Variants in CCL11 observed in about 807,000 individuals in gnomAD.
CCL11 encodes C-C motif chemokine ligand 11.
In CCL11, 7 loss-of-function variants were observed where a neutral mutation model predicts 7.3. The ratio of observed to expected loss-of-function variants is 0.96; its 90% CI spans 0.55 to 1.81. CCL11 has a LOEUF of 1.81. Ranked by LOEUF, CCL11 falls within the 40% of genes most tolerant of loss-of-function variation. The probability of loss-of-function intolerance (pLI) is 0.00; values close to 1 mark genes in which losing one functional copy is unlikely to be tolerated. For missense variants in CCL11, 132 were observed against 114.2 expected, an observed-to-expected ratio of 1.16 and a Z score of -0.71; for synonymous variants, 66 against 45.2, an observed-to-expected ratio of 1.46 and a Z score of -1.84.
In CCL11 at chr17:34,287,812, A is replaced by ATT; in HGVS notation, c.*123_*124insTT. The ATT allele has an allele frequency of 3.2e-6, 1 of 312,624 alleles. No homozygotes were observed. The highest frequency in any genetic ancestry group is 5.4e-6 in the Non-Finnish European group (1 of 186,390). The allele number at this position is 312,624 out of a possible 1,614,324, so 19.4% of individuals were successfully genotyped here. ...AAAGGGCATGGGTTTTATTATATAT[A>ATT]TATATTTTTTTTTTTAAAAAAAAAA... On this transcript the variant is annotated 3_prime_UTR_variant, in exon 3 of 3. Coordinates refer to ENST00000305869, the MANE Select transcript of CCL11 (RefSeq NM_002986.3).
Position 34,287,610 on chromosome 17 carries a change from A to G in CCL11, c.214A>G (p.Ile72Val). Residue 72 changes from isoleucine (I) to valine (V), a missense_variant, in exon 3 of 3, where the codon ATC becomes GTC. Coordinates refer to ENST00000305869, the MANE Select transcript of CCL11 (RefSeq NM_002986.3). ...VIFKTKLAKD[I>V]CADPKKKWVQ... ...CTTCAAGACCAAACTGGCCAAGGAT[A>G]TCTGTGCCGACCCCAAGAAGAAGTG... 6.2e-7 allele frequency: 1 copy of G among 1,613,956 alleles called. No homozygotes were observed. Among genetic ancestry groups the G allele is most frequent in the South Asian group, 1.1e-5 (1 of 91,062 alleles).
chr17:34,287,524 G>A, intron 2 of CCL11, 61 bp from the exon 3 acceptor site: 1 of 1,180,910 alleles, frequency 8.5e-7, no homozygotes, highest in South Asian at 1.2e-5. Flanking sequence ...TAAATATTTA[G>A]GGTCAAATGG....
chr17:34,287,365 C>T (rs1007817347), intron 2 of CCL11, among the ~76,000 whole-genome samples, 158 bp downstream of exon 2: 9 of 152,154 alleles, frequency 5.9e-5, no homozygotes, highest in African/African-American at 1.4e-4. Flanking sequence ...ACTCCCAGCT[C>T]CCTGCCTGGG....
Position 34,285,821 on chromosome 17 carries a change from G to A in CCL11, c.13G>A (p.Ala5Thr), listed in dbSNP as rs56120942. MKVS[A>T]ALLWLLLIAA... ...TTCAGCCTCCAACATGAAGGTCTCC[G>A]CAGCACTTCTGTGGCTGCTGCTCAT... The change falls in exon 1 of 3, where the codon GCA becomes ACA. Residue 5 changes from alanine to threonine, a missense_variant. Coordinates refer to ENST00000305869, the MANE Select transcript of CCL11 (RefSeq NM_002986.3). 8.1e-5 allele frequency: 131 copies of A among 1,612,520 alleles called. 1 individual carries two copies. Among genetic ancestry groups the A allele is most frequent in the South Asian group, 3.5e-4 (32 of 90,894 alleles).
intron 1 of CCL11, 121 bp from the exon 2 acceptor site, chr17:34,286,975 T>C (rs1027520925): frequency 3.0e-6 from 2 of 668,220 alleles, no homozygotes; most frequent in Non-Finnish European, 5.4e-6. Context: ...GGATTCTCCC[T>C]CCACCTCTCG....
intron 2 of CCL11, 68 bp from the exon 3 acceptor site, chr17:34,287,513 TTAAA>T: frequency 9.1e-7 from 1 of 1,100,604 alleles, no homozygotes; most frequent in Non-Finnish European, 1.4e-6. Context: ...CAGATGGTCC[TTAAA>T]TATTTAGGGT....
chr17:34,287,461 T>C lies in CCL11; in HGVS notation c.189-124T>C, dbSNP rs762040254. On this transcript the variant is annotated intron_variant, in intron 2 of 2. Transcript: ENST00000305869. Reference sequence around the variant, plus strand: ...TTAAGAGCAGCAACTAACCCAAGAGTCTCATCCTTCCTCCTCTCCGTAGCA... The same window carrying C: ...TTAAGAGCAGCAACTAACCCAAGAGCCTCATCCTTCCTCCTCTCCGTAGCA... 8.6e-4 allele frequency: 609 copies of C among 706,166 alleles called. 1 individual carries two copies. Among genetic ancestry groups the C allele is most frequent in the Non-Finnish European group, 1.3e-3 (543 of 402,962 alleles). The allele number at this position is 706,166 out of a possible 1,614,324, so 43.7% of individuals were successfully genotyped here.
At position 34,287,733 on chromosome 17, in the gene CCL11, C is replaced by G; in HGVS notation, c.*43C>G. On this transcript the variant is annotated 3_prime_UTR_variant, in exon 3 of 3. Coordinates refer to ENST00000305869, the MANE Select transcript of CCL11 (RefSeq NM_002986.3). ...AACCAAACCAGAGCCTGAGTGTTGC[C>G]TAATTTGTTTTCCCTTCTTACAATG... The G allele has an allele frequency of 7.3e-7, 1 of 1,361,780 alleles. No homozygotes were observed. The allele number at this position is 1,361,780 out of a possible 1,614,324, so 84.4% of individuals were successfully genotyped here. A position where few individuals can be genotyped will look rare whatever the true frequency, so the allele number is the denominator to read the frequency against.
Position 34,285,802 on chromosome 17 carries a change from C to G in CCL11, c.-7C>G, listed in dbSNP as rs760842705. 16 of 1,609,326 alleles carry G rather than the reference C, an allele frequency of 9.9e-6. No individual in the cohort carries two copies. Among genetic ancestry groups the G allele is most frequent in the Non-Finnish European group, 1.3e-5 (15 of 1,177,238 alleles). The stretch of plus-strand genomic sequence containing the variant: ...TCACGCCAAAGCTCACACCTTCAGC[C>G]TCCAACATGAAGGTCTCCGCAGCAC... On this transcript the variant is annotated 5_prime_UTR_variant, in exon 1 of 3. Transcript: ENST00000305869.
At position 34,287,779 on chromosome 17, in the gene CCL11, A is replaced by C. The variant is rs1200390881; in HGVS notation, c.*89A>C. 1.3e-6 allele frequency: 1 copy of C among 757,288 alleles called. No homozygotes were observed. The highest frequency in any genetic ancestry group is 1.7e-5 in the African/African-American group (1 of 57,494). 46.9% of individuals were successfully genotyped at this position (757,288 alleles called of 1,614,324 possible). On this transcript the variant is annotated 3_prime_UTR_variant, in exon 3 of 3. Coordinates refer to ENST00000305869, the MANE Select transcript of CCL11 (RefSeq NM_002986.3). Reference sequence around the variant, plus strand: ...CAATGCATTCTGAGGTAACCTCATTATCAGTCCAAAGGGCATGGGTTTTAT... The same window carrying C: ...CAATGCATTCTGAGGTAACCTCATTCTCAGTCCAAAGGGCATGGGTTTTAT...
rs201895249 is a variant in CCL11, at chr17:34,287,604, A to G, written c.208A>G (p.Lys70Glu). The G allele has an allele frequency of 1.9e-6, 3 of 1,613,850 alleles. No homozygotes were observed. The highest frequency in any genetic ancestry group is 2.5e-6 in the Non-Finnish European group (3 of 1,179,798). Reference protein sequence around the residue: ...KAVIFKTKLAKDICADPKKKW... With the variant: ...KAVIFKTKLAEDICADPKKKW... Reference sequence around the variant, plus strand: ...CCACAGCTTCAAGACCAAACTGGCCAAGGATATCTGTGCCGACCCCAAGAA... The same window carrying G: ...CCACAGCTTCAAGACCAAACTGGCCGAGGATATCTGTGCCGACCCCAAGAA... Residue 70 changes from lysine to glutamate, a missense_variant, in exon 3 of 3, where the codon AAG (lysine) becomes GAG (glutamate). Physicochemically the swap from Lys to Glu is moderately conservative, Grantham distance 56 (BLOSUM62 1). Coordinates refer to ENST00000305869, the MANE Select transcript of CCL11 (RefSeq NM_002986.3).
chr17:34,286,517 A>G (rs1908637613), intron 1 of CCL11, among the ~76,000 whole-genome samples: 1 of 152,258 alleles, frequency 6.6e-6, no homozygotes, highest in African/African-American at 2.4e-5. Flanking sequence ...TCTATAATGT[A>G]TGGGCTCAGG....
At position 34,287,838 on chromosome 17, in the gene CCL11, C is replaced by A. The variant is rs200124756; in HGVS notation, c.*148C>A. The stretch of plus-strand genomic sequence containing the variant: ...TATATTTTTTTTTTTAAAAAAAAAA[C>A]GTATTGCATTTAATTTATTGAGGCT... On this transcript the variant is annotated 3_prime_UTR_variant, in exon 3 of 3. Coordinates refer to ENST00000305869, the MANE Select transcript of CCL11 (RefSeq NM_002986.3). 4.2e-5 allele frequency: 12 copies of A among 287,314 alleles called. No homozygotes were observed. The highest frequency in any genetic ancestry group is 9.2e-5 in the African/African-American group (4 of 43,444). The allele number at this position is 287,314 out of a possible 1,614,324, so 17.8% of individuals were successfully genotyped here. A position where few individuals can be genotyped will look rare whatever the true frequency, so the allele number is the denominator to read the frequency against.
intron 2 of CCL11, 76 bp from the exon 3 acceptor site, chr17:34,287,509 G>A: frequency 9.7e-7 from 1 of 1,028,558 alleles, no homozygotes; most frequent in Non-Finnish European, 1.5e-6. Context: ...GGGGCAGATG[G>A]TCCTTAAATA....
rs56358892 is a variant in CCL11, at chr17:34,287,619, G to A, written c.223G>A (p.Asp75Asn). ...CAAACTGGCCAAGGATATCTGTGCC[G>A]ACCCCAAGAAGAAGTGGGTGCAGGA... ...KTKLAKDICA[D>N]PKKKWVQDSM... The change falls in exon 3 of 3, where the codon GAC becomes AAC. Residue 75 changes from aspartate (D) to asparagine (N), a missense_variant. Asp to Asn is a conservative substitution (Grantham distance 23). Transcript: ENST00000305869. 37 of 1,613,470 alleles carry A rather than the reference G, an allele frequency of 2.3e-5. No individual in the cohort carries two copies. The Admixed American group carries it at 2.7e-4, about 12-fold the overall frequency.
chr17:34,287,637 G>A lies in CCL11; in HGVS notation c.241G>A (p.Val81Met). The A allele has an allele frequency of 6.2e-7, 1 of 1,613,834 alleles. No individual in the cohort carries two copies. The highest frequency in any genetic ancestry group is 1.1e-5 in the South Asian group (1 of 91,038). The change falls in exon 3 of 3, where the codon GTG (valine) becomes ATG (methionine). Residue 81 changes from valine to methionine, a missense_variant. Transcript: ENST00000305869. ...CTGTGCCGACCCCAAGAAGAAGTGG[G>A]TGCAGGATTCCATGAAGTATCTGGA... ...DICADPKKKW[V>M]QDSMKYLDQK...
intron 1 of CCL11, 119 bp from the exon 2 acceptor site, chr17:34,286,977 C>T (rs1908650177): frequency 1.5e-6 from 1 of 672,312 alleles, no homozygotes; most frequent in South Asian, 1.7e-5. Context: ...ATTCTCCCTC[C>T]ACCTCTCGCA....
intron 1 of CCL11, 111 bp from the exon 2 acceptor site, chr17:34,286,985 G>T: frequency 1.4e-6 from 1 of 715,088 alleles, no homozygotes; most frequent in Admixed American, 2.1e-5. Flanking sequence ...TCCACCTCTC[G>T]CAATTCCTTG....
rs1019111 is a variant in CCL11, at chr17:34,287,826, T to A, written c.*136T>A. 34,239 of 244,870 alleles carry A rather than the reference T, an allele frequency of 0.14. 1,597 individuals carry two copies. The highest frequency in any genetic ancestry group is 0.16 in the Non-Finnish European group (23,329 of 147,080). The allele number at this position is 244,870 out of a possible 1,614,324, so 15.2% of individuals were successfully genotyped here. A position where few individuals can be genotyped will look rare whatever the true frequency, so the allele number is the denominator to read the frequency against. On this transcript the variant is annotated 3_prime_UTR_variant, in exon 3 of 3. Transcript: ENST00000305869. ...TTATTATATATATATATTTTTTTTT[T>A]TAAAAAAAAAACGTATTGCATTTAA...
Sources: gnomAD v4.1 joint callset for allele counts (sites outside exome capture counted in the v4.1 genomes callset) on GRCh38, gnomAD v4.1.1 for gene constraint, MANE v1.5 for transcripts, NCBI Gene and HGNC (gene_info 2026-07-23, HGNC 2026-07-21) for gene names.